The following SPATA33 variants were observed in gnomAD, a reference collection of about 807,000 sequenced individuals.
The protein encoded by SPATA33 is spermatogenesis associated 33.
A neutral mutation model predicts 8.9 loss-of-function variants in SPATA33; 10 were observed. The observed-to-expected ratio is 1.12, with a 90% CI of 0.69 to 1.90. The LOEUF (loss-of-function observed/expected upper bound fraction) is 1.90, where lower values mean the gene tolerates loss of function less well. Among genes scored for constraint, SPATA33 ranks in the 40% most tolerant of loss-of-function variants. The pLI, the probability that SPATA33 is intolerant of heterozygous loss-of-function variation, is 0.00. For missense variants in SPATA33, 241 were observed against 178.3 expected (o/e 1.35, Z -2.00); for synonymous variants, 96 against 72.8 (o/e 1.32, Z -1.63).
At chr16:89,661,942 A>C (rs1480808677) in intron 2 of SPATA33, among the ~76,000 whole-genome samples, 1 of 152,194 alleles carries the variant, frequency 6.6e-6, no homozygotes, top group Non-Finnish European at 1.5e-5. Context: ...CACAATCCCT[A>C]TCTAATAAAT....
intron 2 of SPATA33, among the ~76,000 whole-genome samples, chr16:89,663,530 C>G (rs2059989564): frequency 2.0e-5 from 3 of 152,270 alleles, no homozygotes; most frequent in African/African-American, 4.8e-5. Flanking sequence ...CAGGCGTGAG[C>G]CACCATACCC....
intron 2 of SPATA33, among the ~76,000 whole-genome samples, chr16:89,663,399 G>A (rs555261335): frequency 2.4e-3 from 368 of 152,018 alleles, no homozygotes; most frequent in African/African-American, 8.3e-3. Context: ...TTTTAGTAGC[G>A]ATGGGGTTTC....
chr16:89,668,358 G>C (rs775039661), intron 2 of SPATA33, among the ~76,000 whole-genome samples: 1 of 152,254 alleles, frequency 6.6e-6, no homozygotes, highest in Non-Finnish European at 1.5e-5. Flanking sequence ...GCCATTGCCA[G>C]CAGTCCATCC....
chr16:89,657,996 G>C, intron 1 of SPATA33, 48 bp downstream of exon 1: 1 of 1,502,742 alleles, frequency 6.7e-7, no homozygotes, highest in South Asian at 1.2e-5. Context: ...GCCCCTGGGC[G>C]CGGGCCCAGG....
In SPATA33 at chr16:89,664,754, G is replaced by A. The variant is rs573831032; in HGVS notation, c.212-4532G>A. Reference sequence around the variant, plus strand: ...AAACGGGAACTTCATTCCTTGAACCGGGAATAAATTCTGCCTCCAACCAGA... The same window carrying A: ...AAACGGGAACTTCATTCCTTGAACCAGGAATAAATTCTGCCTCCAACCAGA... On this transcript the variant is annotated intron_variant, in intron 2 of 2. Transcript: ENST00000579310. Among the ~76,000 whole-genome samples, 6 of 152,266 alleles carry A rather than the reference G, an allele frequency of 3.9e-5. No homozygotes were observed. The East Asian group carries it at 9.7e-4, about 24-fold the overall frequency.
intron 2 of SPATA33, among the ~76,000 whole-genome samples, chr16:89,668,349 C>A (rs1278749284): frequency 6.6e-6 from 1 of 152,234 alleles, no homozygotes; most frequent in Non-Finnish European, 1.5e-5. Flanking sequence ...ACCAGCACTG[C>A]CATTGCCAGC....
Position 89,658,252 on chromosome 16 carries a change from G to A in SPATA33, c.42G>A (p.Glu14=), listed in dbSNP as rs375910613. 4.8e-5 allele frequency: 77 copies of A among 1,614,062 alleles called. No individual in the cohort carries two copies. The highest frequency in any genetic ancestry group is 6.3e-5 in the Non-Finnish European group (74 of 1,180,024). The change falls in exon 2 of 3, where the codon GAG becomes GAA. Residue 14 remains glutamate, a synonymous_variant. Coordinates refer to ENST00000579310, the MANE Select transcript of SPATA33 (RefSeq NM_001271907.2). ...CGGATGATCCATATATTTCAGGTGAGGAGCAAAAGAAGGGATCCACCTATT... is the reference window on the plus strand; with the variant it reads ...CGGATGATCCATATATTTCAGGTGAAGAGCAAAAGAAGGGATCCACCTATT... ...SKSKEKPRKG[E]EQKKGSTYSV...
chr16:89,669,334 C>A lies in SPATA33; in HGVS notation c.260C>A (p.Pro87Gln), dbSNP rs774153684. Residue 87 changes from proline (P) to glutamine (Q), a missense_variant, in exon 3 of 3, where the codon CCA (proline) becomes CAA (glutamine). Transcript: ENST00000579310. ...QKSSRKKVVV[P>Q]QIIITRASNE... The stretch of plus-strand genomic sequence containing the variant: ...TCCAGCAGGAAGAAAGTGGTCGTTC[C>A]ACAGATCATCATCACGCGAGCGTCG... 8 of 1,614,048 alleles carry A rather than the reference C, an allele frequency of 5.0e-6. No homozygotes were observed. The highest frequency in any genetic ancestry group is 6.8e-6 in the Non-Finnish European group (8 of 1,180,036).
At chr16:89,658,028 C>A (rs997892716) in intron 1 of SPATA33, 80 bp downstream of exon 1, 7 of 1,467,104 alleles carry the variant, frequency 4.8e-6, no homozygotes, top group South Asian at 1.4e-5. Flanking sequence ...CTGGGCGGGG[C>A]GGTGTGAGCG....
intron 2 of SPATA33, chr16:89,660,735 C>A: frequency 1.3e-6 from 1 of 767,804 alleles, no homozygotes; most frequent in Non-Finnish European, 1.8e-6. Context: ...GAAATGGGAG[C>A]CGGCCACAGC....
At chr16:89,658,575 G>C (rs1013386217) in intron 2 of SPATA33, 154 bp downstream of exon 2, 2 of 943,596 alleles carry the variant, frequency 2.1e-6, no homozygotes, top group Non-Finnish European at 3.1e-6. Flanking sequence ...CTTTATGTAG[G>C]AGGTAAATAT....
chr16:89,660,884 G>A, intron 2 of SPATA33: 1 of 1,083,436 alleles, frequency 9.2e-7, no homozygotes, highest in African/African-American at 1.6e-5. Flanking sequence ...CAAGCCTTTA[G>A]TGATTCCAGG....
chr16:89,661,717 GA>G (rs914982406), intron 2 of SPATA33, among the ~76,000 whole-genome samples: 1 of 151,600 alleles, frequency 6.6e-6, no homozygotes, highest in Non-Finnish European at 1.5e-5. Context: ...TAAAGAACTT[GA>G]AAAAAAAGGA....
intron 1 of SPATA33, 36 bp downstream of exon 1, chr16:89,657,984 C>A: frequency 6.6e-7 from 1 of 1,504,194 alleles, no homozygotes. Flanking sequence ...CCCCGCGTCT[C>A]CGCCCCTGGG....
intron 2 of SPATA33, chr16:89,661,314 T>A (rs763301230): frequency 1.6e-6 from 1 of 638,142 alleles, no homozygotes; most frequent in African/African-American, 2.0e-5. Context: ...TTTCCTGTGC[T>A]GTTTTCGTGA....
chr16:89,658,082 G>A (rs1301063840), intron 1 of SPATA33, 134 bp downstream of exon 1: 1 of 1,480,408 alleles, frequency 6.8e-7, no homozygotes, highest in South Asian at 1.4e-5. Context: ...CTGCCGCCGA[G>A]TCCGCCACGG....
intron 2 of SPATA33, chr16:89,660,723 C>T (rs951198670): frequency 4.0e-6 from 3 of 759,454 alleles, no homozygotes; most frequent in East Asian, 3.4e-5. Context: ...GGTTGCTGGG[C>T]AGAAATGGGA....
chr16:89,669,146 T>C (rs2060064422), intron 2 of SPATA33, 140 bp from the exon 3 acceptor site: 2 of 730,362 alleles, frequency 2.7e-6, no homozygotes, highest in South Asian at 1.7e-5. Flanking sequence ...ATGGACAGTT[T>C]TGATCACTTT....
intron 2 of SPATA33, among the ~76,000 whole-genome samples, chr16:89,664,179 A>G (rs2059995767): frequency 6.6e-6 from 1 of 152,216 alleles, no homozygotes; most frequent in South Asian, 2.1e-4. Context: ...TAAAATGTTA[A>G]ACCTCTCCCC....
Sources: gnomAD v4.1 joint callset for allele counts (sites outside exome capture counted in the v4.1 genomes callset) on GRCh38, gnomAD v4.1.1 for gene constraint, MANE v1.5 for transcripts, NCBI Gene and HGNC (gene_info 2026-07-23, HGNC 2026-07-21) for gene names.